Variants in CSMD2 observed in about 807,000 individuals in gnomAD.
The protein encoded by CSMD2 is CUB and sushi domain-containing protein 2.
CSMD2 carries 130 observed loss-of-function variants against 398.5 expected under a neutral mutation model. The observed-to-expected ratio is 0.33, with a 90% confidence interval of 0.28 to 0.38. CSMD2 has a LOEUF of 0.38. Ranked by LOEUF, CSMD2 falls within the 10% of genes least tolerant of loss-of-function variation. CSMD2 has a pLI of 1.00. For synonymous variants in CSMD2, 1,828 were observed against 1,908.5 expected, an observed-to-expected ratio of 0.96 and a Z score of 1.10; for missense variants, 3,829 against 4,764.9, an observed-to-expected ratio of 0.80 and a Z score of 5.78.
chr1:33,580,627 T>A, intron 48 of CSMD2, 126 bp downstream of exon 48: 1 of 926,912 alleles, frequency 1.1e-6, no homozygotes, highest in East Asian at 2.5e-5. Flanking sequence ...GGTAGGGGAA[T>A]GGCAAAGACC....
intron 5 of CSMD2, among the ~76,000 whole-genome samples, chr1:33,866,517 C>T (rs1232456175): frequency 6.6e-6 from 1 of 152,246 alleles, no homozygotes; most frequent in African/African-American, 2.4e-5. Context: ...GCTATTCCAA[C>T]TTGGCTCTGC....
chr1:34,048,761 A>C (rs1359546101), intron 2 of CSMD2, among the ~76,000 whole-genome samples: 8 of 152,198 alleles, frequency 5.3e-5, no homozygotes, highest in Non-Finnish European at 1.2e-4. Context: ...TACAGGCAGC[A>C]CCTGTGCACA....
intron 12 of CSMD2, among the ~76,000 whole-genome samples, chr1:33,786,859 T>C (rs1569932130): frequency 1.3e-5 from 2 of 152,222 alleles, no homozygotes; most frequent in East Asian, 3.8e-4. Context: ...TATGACATTG[T>C]TAGTGTAGTA....
intron 41 of CSMD2, chr1:33,606,120 G>A (rs1470109505): frequency 7.3e-7 from 1 of 1,363,772 alleles, no homozygotes; most frequent in Non-Finnish European, 9.7e-7. Context: ...CACAGGAGAT[G>A]CCTCCATGGA....
intron 5 of CSMD2, among the ~76,000 whole-genome samples, chr1:33,879,476 A>G (rs918234584): frequency 2.0e-5 from 3 of 152,198 alleles, no homozygotes; most frequent in Non-Finnish European, 4.4e-5. Flanking sequence ...TATCTTCCCC[A>G]TATCTATTAA....
chr1:33,971,109 G>A (rs1434758187), intron 3 of CSMD2, among the ~76,000 whole-genome samples: 1 of 152,186 alleles, frequency 6.6e-6, no homozygotes, highest in African/African-American at 2.4e-5. Context: ...TGCGGTGTCT[G>A]CCGGGACTGG....
At chr1:33,783,327 G>A (rs947878199) in intron 12 of CSMD2, among the ~76,000 whole-genome samples, 1 of 152,042 alleles carries the variant, frequency 6.6e-6, no homozygotes, top group African/African-American at 2.4e-5. Context: ...TTTGAAGATG[G>A]GGCCTCTAAG....
At chr1:33,962,981 G>A (rs151308044) in intron 3 of CSMD2, among the ~76,000 whole-genome samples, 2 of 152,292 alleles carry the variant, frequency 1.3e-5, no homozygotes, top group East Asian at 1.9e-4. Flanking sequence ...TGTCTGGTAC[G>A]TAGTTGGCCC....
intron 25 of CSMD2, among the ~76,000 whole-genome samples, chr1:33,675,821 C>T (rs974884984): frequency 1.6e-4 from 25 of 152,290 alleles, no homozygotes; most frequent in Non-Finnish European, 3.4e-4. Context: ...AATCAATAAA[C>T]ATAATCCAGC....
chr1:33,714,633 C>T lies in CSMD2; in HGVS notation c.3360G>A (p.Leu1120=). ...AGCTCCACAGGCGCCGTCTGCCCCC[C>T]AGGCACGTGATGCGGGCGGTGCCCT... The part of the protein sequence containing the change: ...RLEGTARITC[L]GGRRRLWSSP... Residue 1120 remains leucine (L), a synonymous_variant, in exon 21 of 71, where the codon CTG becomes CTA. Coordinates refer to ENST00000373381, the MANE Select transcript of CSMD2 (RefSeq NM_001281956.2). 6.2e-7 allele frequency: 1 copy of T among 1,613,988 alleles called. No individual in the cohort carries two copies. The highest frequency in any genetic ancestry group is 8.5e-7 in the Non-Finnish European group (1 of 1,180,036).
Position 33,693,005 on chromosome 1 carries a change from G to T in CSMD2, c.3977C>A (p.Pro1326His). 1 of 1,604,858 alleles carries T rather than the reference G, an allele frequency of 6.2e-7. No homozygotes were observed. Among genetic ancestry groups the T allele is most frequent in the Non-Finnish European group, 8.5e-7 (1 of 1,176,160 alleles). ...GTGTTCATAGGGAGCTGGATACCCG[G>T]GTGACAGCACCTGCCCCGACACCTC... Reference protein sequence around the residue: ...RGEVSGQVLSPGYPAPYEHNL... With the variant: ...RGEVSGQVLSHGYPAPYEHNL... Residue 1326 changes from proline (P) to histidine (H), a missense_variant, in exon 25 of 71, where the codon CCC (proline) becomes CAC (histidine). Pro to His is a moderately conservative substitution (Grantham distance 77, BLOSUM62 -2). Around this residue, in one of 5 missense-constraint regions of CSMD2, gnomAD observed 2,001 missense variants for 2,567.1 expected, o/e 0.78. Transcript: ENST00000373381.
At chr1:33,998,254 A>G (rs1247076769) in intron 3 of CSMD2, among the ~76,000 whole-genome samples, 2 of 152,132 alleles carry the variant, frequency 1.3e-5, no homozygotes, top group Non-Finnish European at 2.9e-5. Context: ...GGTGCCCTGC[A>G]TCTCCTCTGG....
At position 33,572,430 on chromosome 1, in the gene CSMD2, C is replaced by T. The variant is rs1049422240; in HGVS notation, c.7762+76G>A. 3.9e-6 allele frequency: 5 copies of T among 1,298,034 alleles called. No homozygotes were observed. In the South Asian group the frequency reaches 6.0e-5, roughly 16 times the overall value. 80.4% of individuals were successfully genotyped at this position (1,298,034 alleles called of 1,614,324 possible). On this transcript the variant is annotated intron_variant, in intron 50 of 70. Coordinates refer to ENST00000373381, the MANE Select transcript of CSMD2 (RefSeq NM_001281956.2). The stretch of plus-strand genomic sequence containing the variant: ...TTCCCCCTCATTACTTTGCTTTTAG[C>T]TCACTCCTTGCAGGAATCTTTCCAG...
At chr1:33,714,921 A>G (rs1042001362) in intron 20 of CSMD2, 146 bp from the exon 21 acceptor site, 4 of 751,940 alleles carry the variant, frequency 5.3e-6, no homozygotes, top group East Asian at 5.4e-5. Flanking sequence ...CTGGCCCACA[A>G]AAGGTGACAC....
At position 34,163,194 on chromosome 1, in the gene CSMD2, C is replaced by A. The variant is rs1641518531; in HGVS notation, c.187+1717G>T. Among the ~76,000 whole-genome samples the A allele has an allele frequency of 1.3e-5, 2 of 152,244 alleles. No individual in the cohort carries two copies. Among genetic ancestry groups the A allele is most frequent in the South Asian group, 4.1e-4 (2 of 4,832 alleles). On this transcript the variant is annotated intron_variant, in intron 1 of 70. Transcript: ENST00000373381. The surrounding 1 kb of genome is among the most constrained non-coding windows in gnomAD (Gnocchi z 5.4). ...GCTAAGCCAGAGACCGGCCTCGCCT[C>A]AACGTACGTCCGGGAGGCCTGGCGG...
At chr1:33,618,766 A>T (rs925170621) in intron 37 of CSMD2, among the ~76,000 whole-genome samples, 3 of 151,808 alleles carry the variant, frequency 2.0e-5, no homozygotes, top group Non-Finnish European at 4.4e-5. Context: ...TTCACATCCC[A>T]TTTCACAGAT....
intron 2 of CSMD2, among the ~76,000 whole-genome samples, chr1:34,063,798 C>T (rs576695890): frequency 6.6e-6 from 1 of 152,360 alleles, no homozygotes; most frequent in Admixed American, 6.5e-5. Context: ...CCCTTCTGCA[C>T]TGCCCTAGCA....
intron 3 of CSMD2, among the ~76,000 whole-genome samples, chr1:33,981,826 C>T (rs1265686190): frequency 6.6e-6 from 1 of 152,158 alleles, no homozygotes; most frequent in African/African-American, 2.4e-5. Flanking sequence ...GGAATGGGCA[C>T]AGTGAGGTTC....
chr1:33,777,817 A>G (rs1165111989), intron 12 of CSMD2, among the ~76,000 whole-genome samples: 1 of 152,044 alleles, frequency 6.6e-6, no homozygotes, highest in Non-Finnish European at 1.5e-5. Flanking sequence ...TCTGTGATCA[A>G]TCTCACTCTT....
Sources: gnomAD v4.1 joint callset for allele counts (sites outside exome capture counted in the v4.1 genomes callset) on GRCh38, gnomAD v4.1.1 for gene constraint, gnomAD v4.1.1 regional missense constraint, Gnocchi (gnomAD v3.1) non-coding constraint, MANE v1.5 for transcripts, NCBI Gene and HGNC (gene_info 2026-07-23, HGNC 2026-07-21) for gene names.